Variants in SETX observed in about 807,000 individuals in gnomAD.
SETX encodes the protein senataxin, also known as helicase senataxin.
In SETX, 90 loss-of-function variants were observed where a neutral mutation model predicts 227.2. That is an observed-to-expected ratio of 0.40 (90% CI 0.33 to 0.47). The LOEUF (loss-of-function observed/expected upper bound fraction) is 0.47. SETX is among the 20% of genes least tolerant of loss of function. SETX has a pLI of 0.91. For synonymous variants in SETX, 1,210 were observed against 1,113.2 expected, an observed-to-expected ratio of 1.09 and a Z score of -1.73; for missense variants, 3,052 against 3,181.5, an observed-to-expected ratio of 0.96 and a Z score of 0.98.
rs1554804618 is a variant in SETX at position 132,274,455 on chromosome 9, T to TTC, written c.7100+800_7100+801insGA. ...CTGATTTTTTCTTTTTTTTTTTTTT[T>TTC]TGAGATGGAGTCTCGCTCTGTCACC... On this transcript the variant is annotated intron_variant, in intron 23 of 25. Transcript: ENST00000224140. 5.7e-4 allele frequency among the ~76,000 whole-genome samples: 87 copies of TTC among 151,370 alleles called. 1 individual carries two copies. The highest frequency in any genetic ancestry group is 2.0e-3 in the African/African-American group (84 of 41,216).
Position 132,296,106 on chromosome 9 carries a change from G to A in SETX, c.5950-78C>T. The A allele has an allele frequency of 2.0e-6, 3 of 1,536,364 alleles. No homozygotes were observed. The South Asian group carries it at 3.4e-5, about 17-fold the overall frequency. ...GCTCTATTACATAGCTTTAAAGTTT[G>A]TCTTTACTTCCATGTATTTTTGAAA... is the stretch of plus-strand genomic sequence containing the variant. On this transcript the variant is annotated intron_variant, in intron 14 of 25. Coordinates refer to ENST00000224140, the MANE Select transcript of SETX (RefSeq NM_015046.7).
intron 5 of SETX, among the ~76,000 whole-genome samples, chr9:132,342,044 T>A (rs772348789): frequency 3.9e-4 from 59 of 152,282 alleles, no homozygotes; most frequent in African/African-American, 1.3e-3. Flanking sequence ...ATGCTTTTTT[T>A]AAAAAACGTA....
chr9:132,349,347 C>G lies in SETX; in HGVS notation c.82G>C (p.Gly28Arg). 6.2e-7 allele frequency: 1 copy of G among 1,614,082 alleles called. No homozygotes were observed. Among genetic ancestry groups the G allele is most frequent in the Non-Finnish European group, 8.5e-7 (1 of 1,180,026 alleles). The change falls in exon 3 of 26, where the codon GGT (glycine) becomes CGT (arginine). Residue 28 changes from glycine to arginine, a missense_variant. Around this residue, in one of 10 missense-constraint regions of SETX, gnomAD observed 152 missense variants for 156.2 expected, o/e 0.97. Coordinates refer to ENST00000224140, the MANE Select transcript of SETX (RefSeq NM_015046.7). ...TCTTCGTCGGCTGTTTGAAATTCAC[C>G]GGACGGAGTGTTGGAAGCATAGCGC... ...LKRYASNTPS[G>R]EFQTADEDLC...
At chr9:132,297,879 C>T (rs888367149) in intron 13 of SETX, among the ~76,000 whole-genome samples, 5 of 152,142 alleles carry the variant, frequency 3.3e-5, no homozygotes, top group Non-Finnish European at 5.9e-5. Flanking sequence ...CAACCTTCGA[C>T]GCTTATTGTA....
At chr9:132,309,454 G>T (rs1845522189) in intron 11 of SETX, among the ~76,000 whole-genome samples, 1 of 152,212 alleles carries the variant, frequency 6.6e-6, no homozygotes, top group African/African-American at 2.4e-5. Context: ...TCTAGAAAAG[G>T]GGTTCCCAAA....
intron 10 of SETX, among the ~76,000 whole-genome samples, chr9:132,318,844 G>T (rs553016137): frequency 6.6e-6 from 1 of 152,100 alleles, no homozygotes; most frequent in African/African-American, 2.4e-5. Context: ...GAAAAAAGGG[G>T]GAAAACCTAA....
At chr9:132,273,273 C>T (rs1409166171) in intron 23 of SETX, among the ~76,000 whole-genome samples, 1 of 152,130 alleles carries the variant, frequency 6.6e-6, no homozygotes, top group Non-Finnish European at 1.5e-5. Flanking sequence ...AGTGATTCTC[C>T]TGCCTCACCC....
chr9:132,349,205 C>G (rs1848473142), intron 3 of SETX, 47 bp downstream of exon 3: 6 of 1,564,490 alleles, frequency 3.8e-6, no homozygotes, highest in Non-Finnish European at 5.3e-6. Context: ...TTACTCTCTT[C>G]CCAGCTATCA....
chr9:132,338,414 C>A (rs1487117120), intron 5 of SETX, among the ~76,000 whole-genome samples: 2 of 151,924 alleles, frequency 1.3e-5, no homozygotes, highest in Non-Finnish European at 2.9e-5. Flanking sequence ...TAAAAAGAGG[C>A]AGAGCAGGAA....
chr9:132,270,237 A>G (rs74616216), intron 24 of SETX, among the ~76,000 whole-genome samples: 2 of 142,296 alleles, frequency 1.4e-5, no homozygotes, highest in Admixed American at 7.0e-5. Context: ...ATGACTCAGT[A>G]TGCCCATGTG....
At chr9:132,276,286 T>C (rs12341899) in intron 22 of SETX, among the ~76,000 whole-genome samples, 67,783 of 152,024 alleles carry the variant, frequency 0.45, 18,173 homozygotes, top group African/African-American at 0.75. Context: ...CCAAGAGGCC[T>C]CATTAAAACC....
intron 4 of SETX, among the ~76,000 whole-genome samples, chr9:132,343,042 G>T (rs74311565): frequency 6.6e-6 from 1 of 151,686 alleles, no homozygotes; most frequent in African/African-American, 2.4e-5. Flanking sequence ...CTTTTTTGCC[G>T]GGCGCGGTGG....
At chr9:132,318,112 T>C (rs1846101200) in intron 10 of SETX, among the ~76,000 whole-genome samples, 1 of 152,196 alleles carries the variant, frequency 6.6e-6, no homozygotes, top group Admixed American at 6.5e-5. Context: ...GTGGACATTC[T>C]AGCTTGCCTA....
At chr9:132,325,502 A>G (rs991233233) in intron 10 of SETX, among the ~76,000 whole-genome samples, 3 of 152,244 alleles carry the variant, frequency 2.0e-5, no homozygotes, top group Non-Finnish European at 4.4e-5. Context: ...CTTAAAAACA[A>G]AACAAATGCA....
chr9:132,288,721 T>A lies in SETX; in HGVS notation c.6107-70A>T, dbSNP rs1301484421. 6.2e-6 allele frequency: 6 copies of A among 972,298 alleles called. No homozygotes were observed. The East Asian group carries it at 1.5e-4, about 24-fold the overall frequency. The allele number at this position is 972,298 out of a possible 1,614,324, so 60.2% of individuals were successfully genotyped here. A position where few individuals can be genotyped will look rare whatever the true frequency, so the allele number is the denominator to read the frequency against. ...ATCAATCCTGTCTCTATACATAGTATCTATATTTCTAAGTAAATATGTTAA... is the reference window on the plus strand; with the variant it reads ...ATCAATCCTGTCTCTATACATAGTAACTATATTTCTAAGTAAATATGTTAA... On this transcript the variant is annotated intron_variant, in intron 15 of 25. Transcript: ENST00000224140.
At chr9:132,306,567 A>G (rs1392037917) in intron 11 of SETX, among the ~76,000 whole-genome samples, 1 of 152,088 alleles carries the variant, frequency 6.6e-6, no homozygotes, top group Non-Finnish European at 1.5e-5. Flanking sequence ...GGTTATACAT[A>G]TGACCAATTT....
At chr9:132,299,048 A>G (rs146980626) in intron 12 of SETX, among the ~76,000 whole-genome samples, 4 of 152,358 alleles carry the variant, frequency 2.6e-5, no homozygotes, top group Non-Finnish European at 4.4e-5. Context: ...AAAGTTAATG[A>G]CAGCTTGGAC....
intron 2 of SETX, 143 bp from the exon 3 acceptor site, chr9:132,349,578 C>G (rs1848499200): frequency 7.7e-6 from 6 of 783,646 alleles, no homozygotes. Context: ...GCTGGCTTAT[C>G]AATCACTGAT....
intron 25 of SETX, among the ~76,000 whole-genome samples, chr9:132,265,224 G>GTTTTTT (rs397741391): frequency 2.6e-4 from 28 of 106,428 alleles, no homozygotes; most frequent in South Asian, 3.3e-4. Flanking sequence ...TTCAACTTTT[G>GTTTTTT]TTTTTTTTTT....
Sources: gnomAD v4.1 joint callset for allele counts (sites outside exome capture counted in the v4.1 genomes callset) on GRCh38, gnomAD v4.1.1 for gene constraint, gnomAD v4.1.1 regional missense constraint, MANE v1.5 for transcripts, NCBI Gene and HGNC (gene_info 2026-07-23, HGNC 2026-07-21) for gene names.